Variants in LRP1B observed in about 807,000 individuals in gnomAD.
LRP1B encodes the protein LDL receptor related protein 1B.
In LRP1B, 217 loss-of-function variants were observed where a neutral mutation model predicts 556.6. The ratio of observed to expected loss-of-function variants is 0.39; its 90% CI spans 0.35 to 0.44. The LOEUF is 0.44. Ranked by LOEUF, LRP1B falls within the 20% of genes least tolerant of loss-of-function variation. The pLI, the probability that LRP1B is intolerant of heterozygous loss-of-function variation, is 1.00. For missense variants in LRP1B, 5,053 were observed against 5,620.8 expected (o/e 0.90, Z 3.23); for synonymous variants, 2,047 against 1,865.8 (o/e 1.10, Z -2.50).
intron 41 of LRP1B, among the ~76,000 whole-genome samples, chr2:140,620,494 G>A (rs1256357093): frequency 6.6e-6 from 1 of 152,052 alleles, no homozygotes; most frequent in Non-Finnish European, 1.5e-5. Flanking sequence ...TAATGTTTTT[G>A]GAAAGTATGC....
intron 37 of LRP1B, among the ~76,000 whole-genome samples, chr2:140,715,503 C>T (rs1414681250): frequency 1.3e-5 from 2 of 151,714 alleles, no homozygotes; most frequent in East Asian, 3.9e-4. Context: ...GTTAGTTATA[C>T]TTATTTAGAA....
intron 1 of LRP1B, among the ~76,000 whole-genome samples, chr2:142,060,695 A>G (rs182516475): frequency 6.6e-6 from 1 of 152,186 alleles, no homozygotes; most frequent in African/African-American, 2.4e-5. Context: ...AAAAGTCTCT[A>G]TGTTTTAAGA....
At chr2:141,997,340 T>C (rs1328604882) in intron 1 of LRP1B, among the ~76,000 whole-genome samples, 2 of 151,272 alleles carry the variant, frequency 1.3e-5, no homozygotes, top group Non-Finnish European at 2.9e-5. Context: ...AAGAGCTCAA[T>C]GGTTAAAATC....
chr2:141,398,433 C>T (rs139148752), intron 3 of LRP1B, among the ~76,000 whole-genome samples: 61 of 152,214 alleles, frequency 4.0e-4, no homozygotes, highest in Non-Finnish European at 2.2e-4. Context: ...AACAAGCAAG[C>T]GGGTATAGCA....
At chr2:141,921,683 C>T (rs1700189024) in intron 1 of LRP1B, among the ~76,000 whole-genome samples, 1 of 151,954 alleles carries the variant, frequency 6.6e-6, no homozygotes, top group Admixed American at 6.6e-5. Flanking sequence ...ATCTTTTACC[C>T]TAATGCTTCT....
At chr2:140,565,916 C>T (rs1347085772) in intron 43 of LRP1B, among the ~76,000 whole-genome samples, 2 of 152,120 alleles carry the variant, frequency 1.3e-5, no homozygotes, top group Admixed American at 1.3e-4. Context: ...CAGTACTCAC[C>T]ACTGGGGACC....
intron 2 of LRP1B, among the ~76,000 whole-genome samples, chr2:141,587,047 A>G (rs1307642963): frequency 6.6e-6 from 1 of 151,810 alleles, no homozygotes; most frequent in East Asian, 1.9e-4. Context: ...AATGGCACGT[A>G]AACAAACTGA....
At chr2:140,793,563 A>G (rs923880849) in intron 32 of LRP1B, among the ~76,000 whole-genome samples, 42 of 152,006 alleles carry the variant, frequency 2.8e-4, no homozygotes, top group Admixed American at 2.3e-3. Context: ...AAATATAAAT[A>G]TATTACTAAG....
intron 7 of LRP1B, among the ~76,000 whole-genome samples, chr2:141,075,302 T>C (rs894893750): frequency 6.6e-6 from 1 of 152,172 alleles, no homozygotes; most frequent in Admixed American, 6.5e-5. Context: ...TGAATAGAGA[T>C]AAAGAGTTCA....
chr2:141,718,142 C>A (rs1692679526), intron 2 of LRP1B, among the ~76,000 whole-genome samples: 1 of 152,172 alleles, frequency 6.6e-6, no homozygotes. Flanking sequence ...GAGAGAAAGA[C>A]TCTTTGCACA....
At chr2:140,380,174 G>A (rs1049843751) in intron 67 of LRP1B, among the ~76,000 whole-genome samples, 1 of 152,106 alleles carries the variant, frequency 6.6e-6, no homozygotes, top group Non-Finnish European at 1.5e-5. Context: ...ACAGAGATAA[G>A]TAACGTACTT....
chr2:141,979,245 T>C (rs969611541), intron 1 of LRP1B, among the ~76,000 whole-genome samples: 9 of 152,130 alleles, frequency 5.9e-5, no homozygotes, highest in African/African-American at 1.9e-4. Flanking sequence ...ATATCACAAT[T>C]GGAAGAAAGC....
intron 37 of LRP1B, among the ~76,000 whole-genome samples, chr2:140,708,525 T>C (rs6759532): frequency 0.45 from 67,568 of 150,598 alleles, 16,383 homozygotes; most frequent in Non-Finnish European, 0.55. Flanking sequence ...TATACACACA[T>C]ATATAATATT....
At chr2:141,286,743 G>T (rs1466789340) in intron 3 of LRP1B, 1 of 443,998 alleles carries the variant, frequency 2.3e-6, no homozygotes, top group Non-Finnish European at 4.6e-6. Context: ...TTTGTACATT[G>T]AATTTGTACA....
chr2:141,956,699 T>C (rs938978081), intron 1 of LRP1B, among the ~76,000 whole-genome samples: 1 of 152,108 alleles, frequency 6.6e-6, no homozygotes, highest in Non-Finnish European at 1.5e-5. Context: ...GGCAGATAAA[T>C]ATATAAATAT....
intron 85 of LRP1B, among the ~76,000 whole-genome samples, chr2:140,274,202 A>G (rs1027631346): frequency 1.3e-5 from 2 of 152,014 alleles, no homozygotes; most frequent in Admixed American, 1.3e-4. Context: ...GTCTTATTAC[A>G]TAATGGATTT....
chr2:141,809,241 A>C (rs1696260271), intron 2 of LRP1B, among the ~76,000 whole-genome samples: 2 of 152,194 alleles, frequency 1.3e-5, no homozygotes, highest in African/African-American at 2.4e-5. Flanking sequence ...TCAAACATAA[A>C]GGAAATTAAT....
At chr2:141,019,147 T>C (rs1442144158) in intron 12 of LRP1B, among the ~76,000 whole-genome samples, 8 of 152,002 alleles carry the variant, frequency 5.3e-5, no homozygotes, top group African/African-American at 1.9e-4. Flanking sequence ...ATAAGTACAG[T>C]TTTGCATTCA....
At chr2:140,315,172 C>A in intron 82 of LRP1B, 73 bp from the exon 83 acceptor site, 1 of 1,029,084 alleles carries the variant, frequency 9.7e-7, no homozygotes, top group South Asian at 2.0e-5. Context: ...CAAATAGATA[C>A]AATATTTAAA....
Sources: gnomAD v4.1 joint callset for allele counts (sites outside exome capture counted in the v4.1 genomes callset) on GRCh38, gnomAD v4.1.1 for gene constraint, MANE v1.5 for transcripts, NCBI Gene and HGNC (gene_info 2026-07-23, HGNC 2026-07-21) for gene names.